Variants in PPP2R2B observed in about 807,000 individuals in gnomAD.
The protein encoded by PPP2R2B is protein phosphatase 2 regulatory subunit Bbeta.
PPP2R2B carries 5 observed loss-of-function variants against 46.0 expected under a neutral mutation model. That is an observed-to-expected ratio of 0.11 (90% CI 0.06 to 0.23). The LOEUF (loss-of-function observed/expected upper bound fraction) is 0.23, where lower values mean the gene tolerates loss of function less well. Ranked by LOEUF, PPP2R2B falls within the 10% of genes least tolerant of loss-of-function variation. PPP2R2B has a pLI of 1.00. For synonymous variants in PPP2R2B, 215 were observed against 206.7 expected (o/e 1.04, Z -0.34); for missense variants, 367 against 575.0 (o/e 0.64, Z 3.70).
At chr5:146,663,679 A>G (rs949197207) in intron 5 of PPP2R2B, among the ~76,000 whole-genome samples, 2 of 152,200 alleles carry the variant, frequency 1.3e-5, no homozygotes, top group African/African-American at 4.8e-5. Context: ...AGTAAAAAAT[A>G]CTTTTTGCTA....
At chr5:147,029,084 C>T (rs562550613) in intron 1 of PPP2R2B, among the ~76,000 whole-genome samples, 80 of 152,220 alleles carry the variant, frequency 5.3e-4, no homozygotes, top group Non-Finnish European at 5.0e-4. Flanking sequence ...ACCTATTTTT[C>T]TACACTGTGT....
intron 1 of PPP2R2B, among the ~76,000 whole-genome samples, chr5:147,045,571 C>T (rs1027151340): frequency 6.6e-6 from 1 of 152,112 alleles, no homozygotes; most frequent in African/African-American, 2.4e-5. Context: ...TGACTGAGTG[C>T]TAATCTGCTC....
chr5:146,925,785 C>T (rs1763763457), intron 1 of PPP2R2B, among the ~76,000 whole-genome samples: 1 of 152,066 alleles, frequency 6.6e-6, no homozygotes, highest in Non-Finnish European at 1.5e-5. Context: ...TGTTTCTGTG[C>T]TTGAGCTTGT....
intron 1 of PPP2R2B, among the ~76,000 whole-genome samples, chr5:146,944,573 A>G (rs1764421176): frequency 6.6e-6 from 1 of 152,094 alleles, no homozygotes; most frequent in South Asian, 2.1e-4. Flanking sequence ...ATATCTCCTG[A>G]GAAAGCAGAA....
At chr5:146,992,507 G>T (rs758810008) in intron 1 of PPP2R2B, among the ~76,000 whole-genome samples, 1 of 152,102 alleles carries the variant, frequency 6.6e-6, no homozygotes, top group Non-Finnish European at 1.5e-5. Flanking sequence ...TCTATGTTGC[G>T]GGGAGGGCTT....
At chr5:146,646,575 T>G (rs1423488462) in intron 6 of PPP2R2B, among the ~76,000 whole-genome samples, 1 of 152,166 alleles carries the variant, frequency 6.6e-6, no homozygotes, top group Non-Finnish European at 1.5e-5. Flanking sequence ...TGCCTTGCTC[T>G]GATCTGGTGC....
rs143953165 is a variant in PPP2R2B at position 146,698,587 on chromosome 5, A to G, written c.169-443T>C. The stretch of plus-strand genomic sequence containing the variant: ...AAGAGAGTACAAAATTGTAGCATCT[A>G]TGACTTTCATTGGCCTTTTAAGATC... On this transcript the variant is annotated intron_variant, in intron 3 of 9. Coordinates refer to ENST00000394411, the MANE Select transcript of PPP2R2B (RefSeq NM_181675.4). Among the ~76,000 whole-genome samples the G allele has an allele frequency of 1.3e-3, 202 of 152,068 alleles. 2 individuals carry two copies. Among genetic ancestry groups the G allele is most frequent in the East Asian group, 9.5e-3 (49 of 5,176 alleles).
intron 1 of PPP2R2B, among the ~76,000 whole-genome samples, chr5:146,952,247 C>G (rs1249612327): frequency 6.6e-6 from 1 of 151,968 alleles, no homozygotes; most frequent in African/African-American, 2.4e-5. Flanking sequence ...GTAATGATCA[C>G]TTATTATTAC....
chr5:146,894,180 C>A (rs1368580199), intron 1 of PPP2R2B, among the ~76,000 whole-genome samples: 1 of 152,206 alleles, frequency 6.6e-6, no homozygotes. Context: ...CTCCATGTTA[C>A]CACAAGTACA....
In PPP2R2B at chr5:146,803,874, T is replaced by C. The variant is rs371798072; in HGVS notation, c.70+74128A>G. 2.3e-4 allele frequency among the ~76,000 whole-genome samples: 35 copies of C among 152,274 alleles called. 3 individuals carry two copies. In the South Asian group the frequency reaches 6.0e-3, roughly 26 times the overall value. The stretch of plus-strand genomic sequence containing the variant: ...TTGTGAGGAAATCAGGTAATAATTA[T>C]ATAGTTAAGCTGGTTGGGCACGGTG... On this transcript the variant is annotated intron_variant, in intron 2 of 9. Coordinates refer to ENST00000394411, the MANE Select transcript of PPP2R2B (RefSeq NM_181675.4).
At chr5:146,870,539 T>G (rs1243577983) in intron 2 of PPP2R2B, among the ~76,000 whole-genome samples, 1 of 152,134 alleles carries the variant, frequency 6.6e-6, no homozygotes, top group African/African-American at 2.4e-5. Context: ...ACTCCAGAAA[T>G]GTGAGAAAAC....
intron 6 of PPP2R2B, among the ~76,000 whole-genome samples, chr5:146,646,968 ACAGCC>A (rs1465157710): frequency 6.6e-6 from 1 of 152,160 alleles, no homozygotes; most frequent in African/African-American, 2.4e-5. Context: ...TAAAGCTTAT[ACAGCC>A]AGAAAAGTGG....
chr5:146,690,911 G>C (rs1370914838), intron 5 of PPP2R2B, among the ~76,000 whole-genome samples: 1 of 152,132 alleles, frequency 6.6e-6, no homozygotes, highest in Non-Finnish European at 1.5e-5. Flanking sequence ...AAGTCTTCTG[G>C]GACAAAAGGA....
chr5:146,740,065 T>C (rs1180525717), intron 2 of PPP2R2B, among the ~76,000 whole-genome samples: 2 of 152,182 alleles, frequency 1.3e-5, no homozygotes, highest in East Asian at 3.9e-4. Context: ...CTCACAATGA[T>C]TGCAAAGCAC....
chr5:146,853,892 C>T (rs1760493926), intron 2 of PPP2R2B, among the ~76,000 whole-genome samples: 1 of 152,038 alleles, frequency 6.6e-6, no homozygotes, highest in African/African-American at 2.4e-5. Flanking sequence ...TAGCCATCTG[C>T]TTCCTCATGA....
intron 2 of PPP2R2B, among the ~76,000 whole-genome samples, chr5:146,710,182 G>T (rs1330683918): frequency 2.0e-5 from 3 of 152,142 alleles, no homozygotes; most frequent in African/African-American, 7.2e-5. Flanking sequence ...TTTATTCATG[G>T]TGTTCATTGT....
intron 2 of PPP2R2B, among the ~76,000 whole-genome samples, chr5:146,848,139 GTTTT>G (rs137984593): frequency 1.7e-5 from 2 of 116,986 alleles, no homozygotes; most frequent in African/African-American, 2.9e-5. Context: ...TTATTCTTTA[GTTTT>G]TTTTATCTTA....
chr5:146,788,260 C>T (rs1755970499), intron 2 of PPP2R2B, among the ~76,000 whole-genome samples: 1 of 151,750 alleles, frequency 6.6e-6, no homozygotes. Context: ...TCAATCTCCT[C>T]TGCCCAAATT....
At chr5:147,015,161 C>T (rs936184188) in intron 1 of PPP2R2B, among the ~76,000 whole-genome samples, 2 of 148,950 alleles carry the variant, frequency 1.3e-5, no homozygotes, top group African/African-American at 4.8e-5. Context: ...GTGCCTGACA[C>T]AGAGAAGGTG....
Sources: gnomAD v4.1 joint callset for allele counts (sites outside exome capture counted in the v4.1 genomes callset) on GRCh38, gnomAD v4.1.1 for gene constraint, MANE v1.5 for transcripts, NCBI Gene and HGNC (gene_info 2026-07-23, HGNC 2026-07-21) for gene names.